The following PPP1R9A variants were observed in gnomAD, a reference collection of about 807,000 sequenced individuals.
The protein encoded by PPP1R9A is protein phosphatase 1 regulatory subunit 9A.
A neutral mutation model predicts 141.9 loss-of-function variants in PPP1R9A; 59 were observed. The ratio of observed to expected loss-of-function variants is 0.42; its 90% CI spans 0.34 to 0.52. PPP1R9A has a LOEUF of 0.52. PPP1R9A is among the 20% of genes least tolerant of loss of function. PPP1R9A has a pLI of 0.10. For synonymous variants in PPP1R9A, 500 were observed against 569.7 expected (o/e 0.88, Z 1.74); for missense variants, 1,444 against 1,611.9 (o/e 0.90, Z 1.78).
chr7:94,914,717 A>G (rs1791854337), intron 2 of PPP1R9A, among the ~76,000 whole-genome samples: 5 of 152,374 alleles, frequency 3.3e-5, no homozygotes, highest in South Asian at 2.1e-4. Context: ...TAGATGAATC[A>G]AAACAAGAGA....
intron 5 of PPP1R9A, among the ~76,000 whole-genome samples, chr7:95,191,733 C>T (rs770153229): frequency 1.3e-5 from 2 of 151,956 alleles, no homozygotes; most frequent in African/African-American, 2.4e-5. Flanking sequence ...GATTTTGTTT[C>T]TGTTAATTTA....
At chr7:95,237,875 T>C (rs1796931139) in intron 8 of PPP1R9A, among the ~76,000 whole-genome samples, 1 of 152,144 alleles carries the variant, frequency 6.6e-6, no homozygotes, top group African/African-American at 2.4e-5. Context: ...TTCCAACTTA[T>C]GTATGCCACC....
At chr7:94,986,754 TAAA>T (rs762515892) in intron 2 of PPP1R9A, among the ~76,000 whole-genome samples, 2 of 152,210 alleles carry the variant, frequency 1.3e-5, no homozygotes, top group Admixed American at 1.3e-4. Flanking sequence ...ATGTGTCAAT[TAAA>T]AAGAAAAGGG....
chr7:95,225,013 A>G (rs1261880902), intron 7 of PPP1R9A, among the ~76,000 whole-genome samples: 1 of 152,128 alleles, frequency 6.6e-6, no homozygotes, highest in Non-Finnish European at 1.5e-5. Flanking sequence ...TTTGAATTAC[A>G]GTATCATAGC....
At chr7:95,276,521 C>A (rs1803212914) in intron 16 of PPP1R9A, among the ~76,000 whole-genome samples, 1 of 152,140 alleles carries the variant, frequency 6.6e-6, no homozygotes, top group Admixed American at 6.5e-5. Context: ...CCTGATTCAG[C>A]AGTCAGAAAT....
chr7:95,012,822 A>T (rs1804613726), intron 2 of PPP1R9A, among the ~76,000 whole-genome samples: 1 of 152,194 alleles, frequency 6.6e-6, no homozygotes, highest in African/African-American at 2.4e-5. Context: ...TAATGATGTG[A>T]AAAGTTGGAA....
intron 19 of PPP1R9A, among the ~76,000 whole-genome samples, chr7:95,289,589 A>G (rs1806021944): frequency 6.6e-6 from 1 of 152,208 alleles, no homozygotes; most frequent in Non-Finnish European, 1.5e-5. Context: ...CCTACAGGGA[A>G]AGAATGGCTA....
Position 94,911,340 on chromosome 7 carries a change from G to A in PPP1R9A, c.1227G>A (p.Arg409=), listed in dbSNP as rs764799026. ...ATAATGTGTATAGGGTGAGATCCAG[G>A]TATAATTCAGACTGGGGAGAGACAG... ...SDYNVYRVRS[R]YNSDWGETGT... is the part of the protein sequence containing the mutation. The change falls in exon 2 of 20, where the codon AGG becomes AGA. Residue 409 remains arginine (R), a synonymous_variant. Transcript: ENST00000433360. 2 of 1,614,080 alleles carry A rather than the reference G, an allele frequency of 1.2e-6. No individual in the cohort carries two copies. The highest frequency in any genetic ancestry group is 1.7e-5 in the Admixed American group (1 of 60,002).
Position 95,091,085 on chromosome 7 carries a change from T to TA in PPP1R9A, c.1396-20174_1396-20173insA, listed in dbSNP as rs915500799. ...TTAGATGGCTTCCAAGTTTTTCCTC[T>TA]TTTAAATTTTTATTTTCTTCTTTAA... On this transcript the variant is annotated intron_variant, in intron 2 of 19. Coordinates refer to ENST00000433360, the MANE Select transcript of PPP1R9A (RefSeq NM_001166160.2). 5.3e-4 allele frequency among the ~76,000 whole-genome samples: 80 copies of TA among 152,106 alleles called. 1 individual carries two copies. Among genetic ancestry groups the TA allele is most frequent in the African/African-American group, 1.8e-3 (75 of 41,414 alleles).
chr7:95,224,338 A>ATG (rs1794853065), intron 7 of PPP1R9A, among the ~76,000 whole-genome samples: 1 of 152,112 alleles, frequency 6.6e-6, no homozygotes, highest in Non-Finnish European at 1.5e-5. Flanking sequence ...ATTGCTCCAC[A>ATG]TGGAATATTC....
At chr7:94,996,849 C>T (rs1264200265) in intron 2 of PPP1R9A, among the ~76,000 whole-genome samples, 1 of 136,952 alleles carries the variant, frequency 7.3e-6, no homozygotes, top group Non-Finnish European at 1.5e-5. Flanking sequence ...GTTGCCCAGG[C>T]TGGAGTGCAA....
At chr7:95,247,145 A>G (rs1472779890) in intron 8 of PPP1R9A, among the ~76,000 whole-genome samples, 1 of 152,210 alleles carries the variant, frequency 6.6e-6, no homozygotes, top group Non-Finnish European at 1.5e-5. Flanking sequence ...TCAGTTAGCT[A>G]GACTTAGCAA....
chr7:95,222,225 A>G (rs559861972), intron 7 of PPP1R9A, among the ~76,000 whole-genome samples: 1 of 152,056 alleles, frequency 6.6e-6, no homozygotes, highest in African/African-American at 2.4e-5. Flanking sequence ...AGGTTTGGGG[A>G]TGGGATCATT....
rs1791280949 is a variant in PPP1R9A at position 94,910,043 on chromosome 7, G to C, written c.-71G>C. ...TGACCCAATACTGGTGATTAGAGAA[G>C]AGAGGTATCTTGGTTTTTGGTTTTT... On this transcript the variant is annotated 5_prime_UTR_variant, in exon 2 of 20. Coordinates refer to ENST00000433360, the MANE Select transcript of PPP1R9A (RefSeq NM_001166160.2). This position sits in a 1 kb window ranked among gnomAD's most constrained non-coding sequence, Gnocchi z 4.5. 1.5e-6 allele frequency: 2 copies of C among 1,329,222 alleles called. No homozygotes were observed. The highest frequency in any genetic ancestry group is 2.1e-6 in the Non-Finnish European group (2 of 960,024). The allele number at this position is 1,329,222 out of a possible 1,614,324, so 82.3% of individuals were successfully genotyped here.
At chr7:95,066,632 G>T (rs1812984628) in intron 2 of PPP1R9A, among the ~76,000 whole-genome samples, 1 of 152,124 alleles carries the variant, frequency 6.6e-6, no homozygotes, top group South Asian at 2.1e-4. Context: ...TTACATTTTT[G>T]AAGATAAAGT....
chr7:95,269,828 A>T (rs1194881149), intron 14 of PPP1R9A, among the ~76,000 whole-genome samples: 1 of 152,194 alleles, frequency 6.6e-6, no homozygotes, highest in Non-Finnish European at 1.5e-5. Flanking sequence ...CTACATAGTC[A>T]TATAGAAAAA....
chr7:94,918,387 T>C (rs1262393950), intron 2 of PPP1R9A, among the ~76,000 whole-genome samples: 3 of 152,026 alleles, frequency 2.0e-5, no homozygotes, highest in Admixed American at 2.0e-4. Context: ...TTTATTACTT[T>C]GGAAGGTAAA....
chr7:95,002,379 A>G (rs1803058580), intron 2 of PPP1R9A, among the ~76,000 whole-genome samples: 1 of 152,098 alleles, frequency 6.6e-6, no homozygotes, highest in Admixed American at 6.6e-5. Context: ...CAAGACCTGT[A>G]AGTTATAAGA....
intron 2 of PPP1R9A, among the ~76,000 whole-genome samples, chr7:94,940,899 C>T (rs1243412961): frequency 6.6e-6 from 1 of 152,068 alleles, no homozygotes; most frequent in Non-Finnish European, 1.5e-5. Flanking sequence ...CCAAAATACA[C>T]CTTGCCCAGC....
Sources: gnomAD v4.1 joint callset for allele counts (sites outside exome capture counted in the v4.1 genomes callset) on GRCh38, gnomAD v4.1.1 for gene constraint, Gnocchi (gnomAD v3.1) non-coding constraint, MANE v1.5 for transcripts, NCBI Gene and HGNC (gene_info 2026-07-23, HGNC 2026-07-21) for gene names.